Variants in ASB5 observed in about 807,000 individuals in gnomAD.
ASB5 encodes ankyrin repeat and SOCS box containing 5.
Under a neutral mutation model 42.1 loss-of-function variants are expected in ASB5, and 45 were observed. The observed-to-expected ratio is 1.07, with a 90% confidence interval of 0.84 to 1.37. The LOEUF is 1.37. Ranked by LOEUF, ASB5 falls within the 40% of genes most tolerant of loss-of-function variation. The pLI is 0.00. For synonymous variants in ASB5, 147 were observed against 150.6 expected (o/e 0.98, Z 0.18); for missense variants, 402 against 399.8 (o/e 1.01, Z -0.05).
rs987856448 is a variant in ASB5, at chr4:176,214,010, A to G, written c.*1590T>C. 3 of 152,280 alleles carry G rather than the reference A, an allele frequency of 2.0e-5. No individual in the cohort carries two copies. The highest frequency in any genetic ancestry group is 3.9e-4 in the East Asian group (2 of 5,188). The allele number at this position is 152,280 out of a possible 1,614,324, so 9.4% of individuals were successfully genotyped here. A position where few individuals can be genotyped will look rare whatever the true frequency, so the allele number is the denominator to read the frequency against. On this transcript the variant is annotated 3_prime_UTR_variant, in exon 7 of 7. Transcript: ENST00000296525. ...AACTCCATTTTAATGCACGTTATCCATTACAAATGTGTGAGATATTCTATA... is the reference window on the plus strand; with the variant it reads ...AACTCCATTTTAATGCACGTTATCCGTTACAAATGTGTGAGATATTCTATA...
rs370903464 is a variant in ASB5 at position 176,222,373 on chromosome 4, G to A, written c.324C>T (p.His108=). ...AVTLDHVTPL[H]EACLGDHVAC... ...CCACGTGATCTCCAAGGCAGGCTTCGTGCAATGGGGTGACATGGTCTAAGG... is the reference window on the plus strand; with the variant it reads ...CCACGTGATCTCCAAGGCAGGCTTCATGCAATGGGGTGACATGGTCTAAGG... The change falls in exon 3 of 7, where the codon CAC becomes CAT. Residue 108 remains histidine (H), a synonymous_variant. Transcript: ENST00000296525. 8 of 1,613,852 alleles carry A rather than the reference G, an allele frequency of 5.0e-6. No homozygotes were observed. In the South Asian group the frequency reaches 6.6e-5, roughly 13 times the overall value.
chr4:176,237,454 G>A, intron 1 of ASB5: 1 of 985,902 alleles, frequency 1.0e-6, no homozygotes, highest in South Asian at 4.7e-5. Flanking sequence ...ACAACCAGGT[G>A]TCATAAGTGC....
At chr4:176,269,979 C>CA (rs1364208599), upstream of ASB5, among the ~76,000 whole-genome samples, 2 of 152,068 alleles carry the variant, frequency 1.3e-5, no homozygotes, top group African/African-American at 4.8e-5. Flanking sequence ...CAAGACTGTC[C>CA]AAAACCAAGG....
intron 1 of ASB5, among the ~76,000 whole-genome samples, chr4:176,263,053 A>G (rs1754292815): frequency 6.6e-6 from 1 of 152,166 alleles, no homozygotes; most frequent in South Asian, 2.1e-4. Context: ...TGGATCTCTC[A>G]TGGATAGATT....
rs1752896096 is a variant in ASB5, at chr4:176,213,755, A to C, written c.*1845T>G. On this transcript the variant is annotated 3_prime_UTR_variant, in exon 7 of 7. Coordinates refer to ENST00000296525, the MANE Select transcript of ASB5 (RefSeq NM_080874.4). ...AAAGTTAGAACACTACTTTGATAAG[A>C]CAATCATACTCAAGCTAAGATACAA... 6.6e-6 allele frequency: 1 copy of C among 152,098 alleles called. No homozygotes were observed. Among genetic ancestry groups the C allele is most frequent in the Non-Finnish European group, 1.5e-5 (1 of 67,970 alleles). 9.4% of individuals were successfully genotyped at this position (152,098 alleles called of 1,614,324 possible).
intron 6 of ASB5, 111 bp from the exon 7 acceptor site, chr4:176,215,838 G>A: frequency 9.6e-7 from 1 of 1,039,880 alleles, no homozygotes; most frequent in South Asian, 2.0e-5. Context: ...GTAAACCTAG[G>A]ATAGCATGAC....
In ASB5 at chr4:176,241,495, G is replaced by T. The variant is rs1258736214; in HGVS notation, c.197-16154C>A. The T allele has an allele frequency of 2.6e-6, 4 of 1,535,398 alleles. No homozygotes were observed. In the African/African-American group the frequency reaches 5.5e-5, roughly 21 times the overall value. ...GCCAAATTTCCACCATTGCAAAGAG[G>T]CATCTGGAAGGGGCCATTATTCAGT... On this transcript the variant is annotated intron_variant, in intron 1 of 6. Coordinates refer to ENST00000296525, the MANE Select transcript of ASB5 (RefSeq NM_080874.4).
chr4:176,217,087 G>A (rs1752992695), intron 5 of ASB5, 78 bp from the exon 6 acceptor site: 1 of 1,242,352 alleles, frequency 8.0e-7, no homozygotes, highest in Admixed American at 2.4e-5. Context: ...GGATAGAAAA[G>A]GAAAGGCAAT....
upstream of ASB5, among the ~76,000 whole-genome samples, chr4:176,272,209 T>C (rs915501248): frequency 1.2e-4 from 18 of 152,174 alleles, 1 homozygote; most frequent in Admixed American, 3.9e-4. Flanking sequence ...AGTTGAGAGT[T>C]AGTACATTAA....
rs71597433 is a variant in ASB5, at chr4:176,219,575, G to GATATATATAT, written c.670+1570_670+1579dup. On this transcript the variant is annotated intron_variant, in intron 5 of 6. Transcript: ENST00000296525. ...TATATAAATATGTATATATTTGTAT[G>GATATATATAT]ATATATATATATATATATATATATA... 6.7e-4 allele frequency among the ~76,000 whole-genome samples: 4 copies of GATATATATAT among 6,004 alleles called. 1 individual carries two copies. Among genetic ancestry groups the GATATATATAT allele is most frequent in the Non-Finnish European group, 9.5e-4 (3 of 3,156 alleles). 3.9% of individuals were successfully genotyped at this position (6,004 alleles called of 152,430 possible). A position where few individuals can be genotyped will look rare whatever the true frequency, so the allele number is the denominator to read the frequency against.
intron 1 of ASB5, among the ~76,000 whole-genome samples, chr4:176,234,233 C>G (rs1561258120): frequency 6.6e-6 from 1 of 152,124 alleles, no homozygotes; most frequent in Non-Finnish European, 1.5e-5. Flanking sequence ...GAATAAAATC[C>G]GAAGTCTTTG....
intron 1 of ASB5, among the ~76,000 whole-genome samples, chr4:176,250,277 T>C (rs1009744785): frequency 2.0e-5 from 3 of 152,158 alleles, no homozygotes; most frequent in Admixed American, 6.5e-5. Flanking sequence ...TTGGGTTCTT[T>C]GTGCTAAAAG....
At chr4:176,251,888 A>G (rs928608613) in intron 1 of ASB5, among the ~76,000 whole-genome samples, 1 of 151,628 alleles carries the variant, frequency 6.6e-6, no homozygotes, top group African/African-American at 2.4e-5. Context: ...CAACATGGCT[A>G]GATCCCATCT....
At chr4:176,226,133 G>C (rs910493487) in intron 1 of ASB5, among the ~76,000 whole-genome samples, 3 of 152,342 alleles carry the variant, frequency 2.0e-5, no homozygotes, top group African/African-American at 7.2e-5. Context: ...GTGTCTGTGA[G>C]GGTGTTTCCA....
At chr4:176,234,845 ATACT>A (rs1397569757) in intron 1 of ASB5, among the ~76,000 whole-genome samples, 1 of 152,210 alleles carries the variant, frequency 6.6e-6, no homozygotes, top group Non-Finnish European at 1.5e-5. Flanking sequence ...GGGGGCAATC[ATACT>A]TACATATTCT....
At chr4:176,255,556 C>T (rs1275128429) in intron 1 of ASB5, among the ~76,000 whole-genome samples, 1 of 152,202 alleles carries the variant, frequency 6.6e-6, no homozygotes, top group African/African-American at 2.4e-5. Flanking sequence ...ATGTCCTTTG[C>T]AGCAACGTGG....
chr4:176,253,990 G>T (rs373194878), intron 1 of ASB5, among the ~76,000 whole-genome samples: 8 of 152,216 alleles, frequency 5.3e-5, no homozygotes, highest in African/African-American at 1.9e-4. Context: ...GCCCATAGAA[G>T]TTTACAGATT....
In ASB5 at chr4:176,214,343, A is replaced by G. The variant is rs1237665137; in HGVS notation, c.*1257T>C. The G allele has an allele frequency of 6.6e-6, 1 of 152,160 alleles. No individual in the cohort carries two copies. Among genetic ancestry groups the G allele is most frequent in the African/African-American group, 2.4e-5 (1 of 41,450 alleles). The allele number at this position is 152,160 out of a possible 1,614,324, so 9.4% of individuals were successfully genotyped here. On this transcript the variant is annotated 3_prime_UTR_variant, in exon 7 of 7. Transcript: ENST00000296525. ...ACTCACCCAAAGTTGCTTTTGTTTT[A>G]CAAAGAGTTGTACGTTGATTATCTT... is the stretch of plus-strand genomic sequence containing the variant.
chr4:176,220,684 A>G (rs550198805), intron 5 of ASB5, among the ~76,000 whole-genome samples: 1 of 152,322 alleles, frequency 6.6e-6, no homozygotes, highest in African/African-American at 2.4e-5. Flanking sequence ...CTTTTCAAGT[A>G]AGCAGGACAG....
Sources: gnomAD v4.1 joint callset for allele counts (sites outside exome capture counted in the v4.1 genomes callset) on GRCh38, gnomAD v4.1.1 for gene constraint, MANE v1.5 for transcripts, NCBI Gene and HGNC (gene_info 2026-07-23, HGNC 2026-07-21) for gene names.